ZNF721: variants seen among roughly 807,000 people sequenced by gnomAD.
ZNF721 encodes the protein zinc finger protein 721.
A neutral mutation model predicts 2.4 loss-of-function variants in ZNF721; 2 were observed. The ratio of observed to expected loss-of-function variants is 0.82; its 90% CI spans 0.34 to 2.58. ZNF721 has a LOEUF of 2.58. ZNF721 is among the 30% of genes most tolerant of loss of function. The pLI is 0.11. For missense variants in ZNF721, 1,187 were observed against 1,085.5 expected (o/e 1.09, Z -1.31); for synonymous variants, 398 against 381.8 (o/e 1.04, Z -0.50).
At chr4:454,754 G>A (rs1308609807) in intron 2 of ZNF721, among the ~76,000 whole-genome samples, 8 of 152,264 alleles carry the variant, frequency 5.3e-5, no homozygotes, top group East Asian at 1.9e-4. Flanking sequence ...CACAAACAAC[G>A]GTCACCAAAT....
intron 2 of ZNF721, among the ~76,000 whole-genome samples, chr4:449,960 A>G (rs1299343776): frequency 1.3e-5 from 2 of 152,134 alleles, no homozygotes; most frequent in Non-Finnish European, 2.9e-5. Flanking sequence ...AAGTTAGTAG[A>G]GCCATTATAG....
intron 2 of ZNF721, among the ~76,000 whole-genome samples, chr4:466,772 T>C (rs533088382): frequency 3.9e-5 from 6 of 152,284 alleles, no homozygotes; most frequent in African/African-American, 1.4e-4. Context: ...TCCAACCATA[T>C]AATCCAGTCA....
At chr4:469,078 C>A (rs923254243) in intron 2 of ZNF721, among the ~76,000 whole-genome samples, 7 of 152,144 alleles carry the variant, frequency 4.6e-5, no homozygotes, top group Non-Finnish European at 7.4e-5. Flanking sequence ...GATACATAAC[C>A]AACATGTAAA....
In ZNF721 at chr4:448,692, C is replaced by T. The variant is rs143352443; in HGVS notation, c.35-4260G>A. ...GGCTTCACAGCTCCTGATTTCAAAACACATACAAAGCTAAAGAATTAAAAT... is the reference window on the plus strand; with the variant it reads ...GGCTTCACAGCTCCTGATTTCAAAATACATACAAAGCTAAAGAATTAAAAT... On this transcript the variant is annotated intron_variant, in intron 2 of 2. Transcript: ENST00000511833. Among the ~76,000 whole-genome samples, 40 of 152,190 alleles carry T rather than the reference C, an allele frequency of 2.6e-4. No individual in the cohort carries two copies. In the East Asian group the frequency reaches 6.4e-3, roughly 24 times the overall value.
intron 1 of ZNF721, among the ~76,000 whole-genome samples, chr4:484,382 C>T (rs769014785): frequency 9.2e-5 from 14 of 152,160 alleles, no homozygotes; most frequent in South Asian, 6.2e-4. Flanking sequence ...GAAAAAAGAA[C>T]AGGATAACAG....
At chr4:450,461 T>G (rs1338067279) in intron 2 of ZNF721, among the ~76,000 whole-genome samples, 2 of 152,178 alleles carry the variant, frequency 1.3e-5, no homozygotes, top group African/African-American at 4.8e-5. Context: ...ATGTGAAATC[T>G]AATATAAACA....
At position 476,357 on chromosome 4, in the gene ZNF721, G is replaced by C. The variant is rs1479653761; in HGVS notation, c.-93-3656C>G. Among the ~76,000 whole-genome samples, 3 of 152,176 alleles carry C rather than the reference G, an allele frequency of 2.0e-5. No homozygotes were observed. The East Asian group carries it at 5.8e-4, about 29-fold the overall frequency. ...ATATTGGGTAGCCAGCAAGGACACT[G>C]GTCAATGTTTGAATCTGAACTTACC... On this transcript the variant is annotated intron_variant, in intron 1 of 2. Coordinates refer to ENST00000511833, the MANE Select transcript of ZNF721 (RefSeq NM_133474.4).
intron 2 of ZNF721, among the ~76,000 whole-genome samples, chr4:456,864 C>A (rs578094773): frequency 6.6e-6 from 1 of 151,788 alleles, no homozygotes; most frequent in African/African-American, 2.4e-5. Context: ...AGCAACAAAG[C>A]GAGACTCCAT....
intron 1 of ZNF721, among the ~76,000 whole-genome samples, chr4:496,570 A>G (rs1239734939): frequency 6.6e-6 from 1 of 152,130 alleles, no homozygotes; most frequent in African/African-American, 2.4e-5. Context: ...TTCTACACTC[A>G]TGAGCTAGAG....
chr4:456,048 A>AG (rs1553865390), intron 2 of ZNF721, among the ~76,000 whole-genome samples: 3 of 110,850 alleles, frequency 2.7e-5, no homozygotes, highest in African/African-American at 1.3e-4. Flanking sequence ...CACCAAAAAA[A>AG]TTTTTATTTA....
intron 1 of ZNF721, among the ~76,000 whole-genome samples, chr4:479,923 T>C (rs1460484533): frequency 2.0e-5 from 3 of 152,280 alleles, no homozygotes; most frequent in African/African-American, 7.2e-5. Context: ...CTAGGTTGTA[T>C]ACAGGATTGT....
At chr4:480,847 A>T (rs1298054465) in intron 1 of ZNF721, among the ~76,000 whole-genome samples, 5 of 145,414 alleles carry the variant, frequency 3.4e-5, no homozygotes, top group Non-Finnish European at 7.4e-5. Context: ...ATGCTGTTAT[A>T]CACATGTGTG....
At position 499,041 on chromosome 4, in the gene ZNF721, T is replaced by G; in HGVS notation, c.-94+15A>C. On this transcript the variant is annotated intron_variant, in intron 1 of 2. Transcript: ENST00000511833. Reference sequence around the variant, plus strand: ...ACCCTGCCTTCCAAATTAAAAACTTTTTAAAACCTCGTACCTCGCCGTGGG... The same window carrying G: ...ACCCTGCCTTCCAAATTAAAAACTTGTTAAAACCTCGTACCTCGCCGTGGG... 4.2e-6 allele frequency: 2 copies of G among 473,090 alleles called. No individual in the cohort carries two copies. The highest frequency in any genetic ancestry group is 7.5e-6 in the Non-Finnish European group (2 of 266,292). The allele number at this position is 473,090 out of a possible 1,614,324, so 29.3% of individuals were successfully genotyped here.
intron 2 of ZNF721, among the ~76,000 whole-genome samples, chr4:454,245 T>G (rs946689044): frequency 6.6e-6 from 1 of 152,198 alleles, no homozygotes; most frequent in East Asian, 1.9e-4. Flanking sequence ...GGCCATTAAT[T>G]CCATCCACCA....
chr4:484,161 C>T (rs187171322), intron 1 of ZNF721, among the ~76,000 whole-genome samples: 2 of 152,340 alleles, frequency 1.3e-5, no homozygotes, highest in East Asian at 3.9e-4. Flanking sequence ...GTCTTTACTG[C>T]AATCTCTAAA....
intron 1 of ZNF721, among the ~76,000 whole-genome samples, chr4:495,609 C>CTTT (rs201123776): frequency 6.7e-6 from 1 of 148,846 alleles, no homozygotes; most frequent in East Asian, 2.0e-4. Flanking sequence ...GCCATTTCTT[C>CTTT]TTTTTTTTTT....
chr4:496,079 T>C (rs1257781793), intron 1 of ZNF721, among the ~76,000 whole-genome samples: 5 of 152,274 alleles, frequency 3.3e-5, no homozygotes, highest in African/African-American at 1.2e-4. Context: ...GCAGTGAAAA[T>C]TTAAAAATCT....
intron 1 of ZNF721, among the ~76,000 whole-genome samples, chr4:485,842 G>C (rs1382817606): frequency 1.3e-5 from 2 of 152,138 alleles, no homozygotes; most frequent in African/African-American, 4.8e-5. Context: ...AGGCGTGCTG[G>C]TGCGTGCCTA....
rs185373022 is a variant in ZNF721 at position 470,023 on chromosome 4, C to T, written c.34+2552G>A. On this transcript the variant is annotated intron_variant, in intron 2 of 2. Transcript: ENST00000511833. ...TCAGCCTCCCGAGTAGCTAGGACTACAGGCATCCGCCACCATGCCCAGCTA... is the reference window on the plus strand; with the variant it reads ...TCAGCCTCCCGAGTAGCTAGGACTATAGGCATCCGCCACCATGCCCAGCTA... Among the ~76,000 whole-genome samples the T allele has an allele frequency of 3.2e-3, 487 of 152,294 alleles. 2 individuals carry two copies. The highest frequency in any genetic ancestry group is 5.5e-3 in the Non-Finnish European group (376 of 68,020).
Sources: allele counts gnomAD v4.1 joint callset (sites outside exome capture counted in the v4.1 genomes callset), GRCh38; gene constraint gnomAD v4.1.1; transcripts MANE v1.5; gene names NCBI Gene and HGNC (gene_info 2026-07-23, HGNC 2026-07-21).